The following PDLIM3 variants were observed in gnomAD, a reference collection of about 807,000 sequenced individuals.
The protein encoded by PDLIM3 is PDZ and LIM domain protein 3.
PDLIM3 carries 36 observed loss-of-function variants against 37.3 expected under a neutral mutation model. That is an observed-to-expected ratio of 0.97 (90% CI 0.74 to 1.28). The LOEUF is 1.28. Among genes scored for constraint, PDLIM3 ranks in the 50% most tolerant of loss-of-function variants. The pLI is 0.00. For synonymous variants in PDLIM3, 174 were observed against 182.4 expected (o/e 0.95, Z 0.37); for missense variants, 454 against 485.0 (o/e 0.94, Z 0.60).
chr4:185,525,159 T>A lies in PDLIM3; in HGVS notation c.106A>T (p.Ser36Cys). The A allele has an allele frequency of 6.2e-7, 1 of 1,614,172 alleles. No homozygotes were observed. Among genetic ancestry groups the A allele is most frequent in the Non-Finnish European group, 8.5e-7 (1 of 1,180,014 alleles). The change falls in exon 2 of 8, where the codon AGC becomes TGC. Residue 36 changes from serine (S) to cysteine (C), a missense_variant. Physicochemically the swap from Ser to Cys is moderately radical, Grantham distance 112. Coordinates refer to ENST00000284767, the MANE Select transcript of PDLIM3 (RefSeq NM_014476.6). ...PLVITRITPG[S>C]KAAAANLCPG... ...CACAGGTTGGCAGCTGCCGCCTTGCTTCCTGGTGTAATCTGGAAGAAATCA... is the reference window on the plus strand; with the variant it reads ...CACAGGTTGGCAGCTGCCGCCTTGCATCCTGGTGTAATCTGGAAGAAATCA...
In PDLIM3 at chr4:185,502,241, T is replaced by C; in HGVS notation, c.*53A>G. On this transcript the variant is annotated 3_prime_UTR_variant, in exon 8 of 8. Coordinates refer to ENST00000284767, the MANE Select transcript of PDLIM3 (RefSeq NM_014476.6). ...TCTGCCCAAAGCCATGAATGTCTTC[T>C]CGTGTAAGTGCGCGTGGGTGGGTGC... 6.4e-7 allele frequency: 1 copy of C among 1,557,528 alleles called. No homozygotes were observed. Among genetic ancestry groups the C allele is most frequent in the Non-Finnish European group, 8.9e-7 (1 of 1,128,946 alleles).
In PDLIM3 at chr4:185,514,261, G is replaced by A. The variant is rs761820729; in HGVS notation, c.398+9C>T. 2.7e-5 allele frequency: 44 copies of A among 1,614,090 alleles called. No individual in the cohort carries two copies. In the Admixed American group the frequency reaches 6.5e-4, roughly 24 times the overall value. On this transcript the variant is annotated intron_variant, in intron 4 of 7. Transcript: ENST00000284767. This position sits in a 1 kb window ranked among gnomAD's most constrained non-coding sequence, Gnocchi z 4.0. Reference sequence around the variant, plus strand: ...GCACTGCAAACTCCACAGTCTCAGCGCTTATGACCTGCTTCGGCCCGGGAT... The same window carrying A: ...GCACTGCAAACTCCACAGTCTCAGCACTTATGACCTGCTTCGGCCCGGGAT...
chr4:185,523,106 G>T, intron 3 of PDLIM3: 1 of 324,858 alleles, frequency 3.1e-6, no homozygotes, highest in Non-Finnish European at 5.7e-6. Context: ...AATAATAAGT[G>T]GACTCTGTAG....
At chr4:185,531,048 G>A (rs1055151278) in intron 1 of PDLIM3, among the ~76,000 whole-genome samples, 3 of 151,514 alleles carry the variant, frequency 2.0e-5, no homozygotes, top group Admixed American at 2.0e-4. Context: ...ACTAATGTAG[G>A]TTTTAGGCAA....
In PDLIM3 at chr4:185,514,556, G is replaced by T; in HGVS notation, c.331-219C>A. Reference sequence around the variant, plus strand: ...TTGGACCCCACAACAATTAGAACATGTTTTAGATGCTTGTCTTTAAAAGAG... The same window carrying T: ...TTGGACCCCACAACAATTAGAACATTTTTTAGATGCTTGTCTTTAAAAGAG... On this transcript the variant is annotated intron_variant, in intron 3 of 7. Coordinates refer to ENST00000284767, the MANE Select transcript of PDLIM3 (RefSeq NM_014476.6). This position sits in a 1 kb window ranked among gnomAD's most constrained non-coding sequence, Gnocchi z 4.0. 1 of 1,221,490 alleles carries T rather than the reference G, an allele frequency of 8.2e-7. No individual in the cohort carries two copies. The highest frequency in any genetic ancestry group is 1.1e-6 in the Non-Finnish European group (1 of 878,018). The allele number at this position is 1,221,490 out of a possible 1,614,324, so 75.7% of individuals were successfully genotyped here. A position where few individuals can be genotyped will look rare whatever the true frequency, so the allele number is the denominator to read the frequency against.
rs2095692408 is a variant in PDLIM3 at position 185,504,151 on chromosome 4, T to C, written c.905+324A>G. ...TCATGTATGCATTTACTAAACACTATACGTTAACAGGGGTGGGGGAGTTTA... is the reference window on the plus strand; with the variant it reads ...TCATGTATGCATTTACTAAACACTACACGTTAACAGGGGTGGGGGAGTTTA... On this transcript the variant is annotated intron_variant, in intron 7 of 7. Coordinates refer to ENST00000284767, the MANE Select transcript of PDLIM3 (RefSeq NM_014476.6). This position sits in a 1 kb window ranked among gnomAD's most constrained non-coding sequence, Gnocchi z 4.7. Among the ~76,000 whole-genome samples, 1 of 152,184 alleles carries C rather than the reference T, an allele frequency of 6.6e-6. No homozygotes were observed.
intron 4 of PDLIM3, among the ~76,000 whole-genome samples, chr4:185,508,991 G>T (rs902655101): frequency 6.6e-6 from 1 of 152,196 alleles, no homozygotes; most frequent in African/African-American, 2.4e-5. Flanking sequence ...TTTCTGAAGT[G>T]CAACATTTAA....
chr4:185,517,943 C>T (rs996965937), intron 3 of PDLIM3, among the ~76,000 whole-genome samples: 15 of 152,086 alleles, frequency 9.9e-5, no homozygotes, highest in Non-Finnish European at 1.6e-4. Flanking sequence ...ATTAGAAGTC[C>T]GCTGTTCCAC....
At position 185,514,380 on chromosome 4, in the gene PDLIM3, A is replaced by C; in HGVS notation, c.331-43T>G. The C allele has an allele frequency of 1.2e-6, 2 of 1,614,190 alleles. No individual in the cohort carries two copies. The highest frequency in any genetic ancestry group is 1.7e-6 in the Non-Finnish European group (2 of 1,180,030). ...TAAAAAGGCCCTCAGTGGAAGGCGG[A>C]CACTGTTGCAGATAAGATTAAACGA... On this transcript the variant is annotated intron_variant, in intron 3 of 7. Coordinates refer to ENST00000284767, the MANE Select transcript of PDLIM3 (RefSeq NM_014476.6). This position sits in a 1 kb window ranked among gnomAD's most constrained non-coding sequence, Gnocchi z 4.0.
Position 185,504,159 on chromosome 4 carries a change from CAG to C in PDLIM3, c.905+314_905+315del, listed in dbSNP as rs999785636. Among the ~76,000 whole-genome samples, 2 of 151,978 alleles carry C rather than the reference CAG, an allele frequency of 1.3e-5. No individual in the cohort carries two copies. The highest frequency in any genetic ancestry group is 2.4e-5 in the African/African-American group (1 of 41,352). ...GCATTTACTAAACACTATACGTTAA[CAG>C]GGGTGGGGGAGTTTAAAGTGAAGTC... On this transcript the variant is annotated intron_variant, in intron 7 of 7. Coordinates refer to ENST00000284767, the MANE Select transcript of PDLIM3 (RefSeq NM_014476.6). The surrounding 1 kb of genome is among the most constrained non-coding windows in gnomAD (Gnocchi z 4.7).
intron 2 of PDLIM3, 110 bp from the exon 3 acceptor site, chr4:185,523,556 T>TA: frequency 1.6e-6 from 1 of 617,144 alleles, no homozygotes; most frequent in Non-Finnish European, 2.7e-6. Flanking sequence ...CTCACTAACT[T>TA]ATGCAAAAAC....
chr4:185,527,094 T>C (rs1580264137), intron 1 of PDLIM3, among the ~76,000 whole-genome samples: 1 of 152,234 alleles, frequency 6.6e-6, no homozygotes, highest in East Asian at 1.9e-4. Flanking sequence ...GTATTTAGAA[T>C]AATTGAAGAA....
rs368361390 is a variant in PDLIM3 at position 185,506,688 on chromosome 4, G to A, written c.663-36C>T. 2.5e-5 allele frequency: 40 copies of A among 1,596,440 alleles called. No homozygotes were observed. The Middle Eastern group carries it at 2.0e-3, about 79-fold the overall frequency. On this transcript the variant is annotated intron_variant, in intron 5 of 7. Coordinates refer to ENST00000284767, the MANE Select transcript of PDLIM3 (RefSeq NM_014476.6). ...GGCACGGCGGGGAGCATCGTCAGGT[G>A]CTGGGAGGCACCAGACGTGCAAGAG... is the stretch of plus-strand genomic sequence containing the variant.
chr4:185,526,992 C>T (rs149932973), intron 1 of PDLIM3, among the ~76,000 whole-genome samples: 20 of 152,240 alleles, frequency 1.3e-4, no homozygotes, highest in African/African-American at 3.1e-4. Context: ...TTTATTTACT[C>T]GTGTATTGTC....
rs372630875 is a variant in PDLIM3, at chr4:185,514,086, C to G, written c.398+184G>C. On this transcript the variant is annotated intron_variant, in intron 4 of 7. Coordinates refer to ENST00000284767, the MANE Select transcript of PDLIM3 (RefSeq NM_014476.6). The surrounding 1 kb of genome is among the most constrained non-coding windows in gnomAD (Gnocchi z 4.0). Reference sequence around the variant, plus strand: ...CTCTGTCATCTTGTCAATATTTACTCTTGGAAATGCAAGTTATTTGGCTTC... The same window carrying G: ...CTCTGTCATCTTGTCAATATTTACTGTTGGAAATGCAAGTTATTTGGCTTC... 4 of 1,491,850 alleles carry G rather than the reference C, an allele frequency of 2.7e-6. No homozygotes were observed. The highest frequency in any genetic ancestry group is 2.8e-5 in the African/African-American group (2 of 71,086). 92.4% of individuals were successfully genotyped at this position (1,491,850 alleles called of 1,614,324 possible).
intron 1 of PDLIM3, 38 bp downstream of exon 1, chr4:185,535,304 C>A (rs767427185): frequency 6.4e-7 from 1 of 1,555,406 alleles, no homozygotes; most frequent in Non-Finnish European, 8.8e-7. Context: ...CCGCCGGAGT[C>A]CCCACCTCGC....
rs2095693625 is a variant in PDLIM3 at position 185,504,595 on chromosome 4, C to G, written c.794-9G>C. 6.2e-7 allele frequency: 1 copy of G among 1,609,360 alleles called. No homozygotes were observed. Among genetic ancestry groups the G allele is most frequent in the South Asian group, 1.1e-5 (1 of 90,794 alleles). On this transcript the variant is annotated splice_polypyrimidine_tract_variant and intron_variant, in intron 6 of 7. Coordinates refer to ENST00000284767, the MANE Select transcript of PDLIM3 (RefSeq NM_014476.6). The surrounding 1 kb of genome is among the most constrained non-coding windows in gnomAD (Gnocchi z 4.7). ...TCCAGCCGGACGGTCATCTGAAAAA[C>G]AAAGCGTTTCCATTTATGGCTAGGG...
chr4:185,529,911 C>A lies in PDLIM3; in HGVS notation c.94-4740G>T, dbSNP rs149881205. Among the ~76,000 whole-genome samples the A allele has an allele frequency of 3.9e-3, 597 of 152,306 alleles. 3 individuals are homozygous for A. The highest frequency in any genetic ancestry group is 0.014 in the African/African-American group (564 of 41,556). On this transcript the variant is annotated intron_variant, in intron 1 of 7. Transcript: ENST00000284767. ...TAGCTCAGAATCTTCTATCATCTCG[C>A]ATTGCCTCTCCTGCAGGTAATCTTT... is the stretch of plus-strand genomic sequence containing the variant.
At chr4:185,527,471 T>G (rs1284155943) in intron 1 of PDLIM3, among the ~76,000 whole-genome samples, 1 of 152,260 alleles carries the variant, frequency 6.6e-6, no homozygotes, top group Non-Finnish European at 1.5e-5. Flanking sequence ...TTTATTTCTA[T>G]GATCACCTCA....
Sources: gnomAD v4.1 joint callset for allele counts (sites outside exome capture counted in the v4.1 genomes callset) on GRCh38, gnomAD v4.1.1 for gene constraint, Gnocchi (gnomAD v3.1) non-coding constraint, MANE v1.5 for transcripts, NCBI Gene and HGNC (gene_info 2026-07-23, HGNC 2026-07-21) for gene names.